Variants in DNAH12 observed in about 807,000 individuals in gnomAD.
DNAH12 encodes the protein dynein axonemal heavy chain 12.
Under a neutral mutation model 371.5 loss-of-function variants are expected in DNAH12, and 285 were observed. The ratio of observed to expected loss-of-function variants is 0.77; its 90% CI spans 0.70 to 0.85. DNAH12 has a LOEUF of 0.85. DNAH12 is among the 40% of genes least tolerant of loss of function. The probability of loss-of-function intolerance (pLI) is 0.00; values close to 1 mark genes in which losing one functional copy is unlikely to be tolerated. For synonymous variants in DNAH12, 1,200 were observed against 1,213.0 expected, an observed-to-expected ratio of 0.99 and a Z score of 0.22; for missense variants, 3,611 against 3,689.4, an observed-to-expected ratio of 0.98 and a Z score of 0.55.
At chr3:57,438,974 C>T (rs1229111167) in intron 29 of DNAH12, among the ~76,000 whole-genome samples, 3 of 138,466 alleles carry the variant, frequency 2.2e-5, no homozygotes, top group Admixed American at 7.5e-5. Context: ...CACACACATA[C>T]ACACACACAG....
chr3:57,394,338 A>T lies in DNAH12; in HGVS notation c.6949-6T>A, dbSNP rs2063693948. ...CCCACATTCCTTAACAGACCCTTAA[A>T]ATAAAAATGGACTTGTAAGCAGAAT... is the stretch of plus-strand genomic sequence containing the variant. On this transcript the variant is annotated splice_region_variant and splice_polypyrimidine_tract_variant and intron_variant, in intron 43 of 73. Transcript: ENST00000495027. 6.6e-6 allele frequency: 1 copy of T among 152,254 alleles called. No homozygotes were observed. The highest frequency in any genetic ancestry group is 2.1e-4 in the South Asian group (1 of 4,820). The allele number at this position is 152,254 out of a possible 1,614,324, so 9.4% of individuals were successfully genotyped here. A position where few individuals can be genotyped will look rare whatever the true frequency, so the allele number is the denominator to read the frequency against.
intron 49 of DNAH12, among the ~76,000 whole-genome samples, chr3:57,383,599 T>G (rs2153344036): frequency 7.2e-6 from 1 of 139,750 alleles, no homozygotes; most frequent in South Asian, 2.2e-4. Context: ...TGCCAGAAAT[T>G]AGCCAGGCAT....
At chr3:57,300,748 A>T (rs1389974167) in intron 70 of DNAH12, among the ~76,000 whole-genome samples, 1 of 152,216 alleles carries the variant, frequency 6.6e-6, no homozygotes, top group East Asian at 1.9e-4. Context: ...GCTTTTGTGC[A>T]ATAAAAAGGC....
intron 65 of DNAH12, among the ~76,000 whole-genome samples, chr3:57,322,052 T>A (rs1199203749): frequency 6.6e-6 from 1 of 152,172 alleles, no homozygotes; most frequent in East Asian, 1.9e-4. Flanking sequence ...GGAAAATAGA[T>A]TTCTACTCTC....
intron 2 of DNAH12, among the ~76,000 whole-genome samples, chr3:57,529,082 G>A (rs1024977298): frequency 6.6e-6 from 1 of 152,158 alleles, no homozygotes; most frequent in African/African-American, 2.4e-5. Flanking sequence ...TTACAGGCGT[G>A]AGCCATCGCG....
chr3:57,445,488 T>A (rs1250865881), intron 27 of DNAH12, 69 bp from the exon 28 acceptor site: 2 of 1,300,958 alleles, frequency 1.5e-6, no homozygotes, highest in African/African-American at 3.0e-5. Flanking sequence ...AGCATAAGTA[T>A]TCAAAGGTGT....
intron 62 of DNAH12, among the ~76,000 whole-genome samples, chr3:57,328,602 T>C (rs937079698): frequency 6.6e-6 from 1 of 151,398 alleles, no homozygotes; most frequent in Non-Finnish European, 1.5e-5. Context: ...ACAGCCAATA[T>C]CATACTGAAT....
chr3:57,496,354 A>G (rs2067321634), intron 11 of DNAH12, among the ~76,000 whole-genome samples: 1 of 152,216 alleles, frequency 6.6e-6, no homozygotes, highest in Admixed American at 6.5e-5. Flanking sequence ...CAGGAAAACA[A>G]CATTGGGTTA....
chr3:57,330,145 G>T (rs1378788779), intron 62 of DNAH12, among the ~76,000 whole-genome samples: 1 of 151,798 alleles, frequency 6.6e-6, no homozygotes, highest in African/African-American at 2.4e-5. Flanking sequence ...CATTGTGGAA[G>T]TCAGTATGGT....
intron 11 of DNAH12, among the ~76,000 whole-genome samples, chr3:57,497,592 A>G (rs2067365483): frequency 6.6e-6 from 1 of 152,222 alleles, no homozygotes; most frequent in African/African-American, 2.4e-5. Context: ...GTTAACTTAC[A>G]ATGGGTCATA....
At chr3:57,305,006 C>G (rs2107664339) in intron 69 of DNAH12, among the ~76,000 whole-genome samples, 1 of 152,256 alleles carries the variant, frequency 6.6e-6, no homozygotes, top group East Asian at 1.9e-4. Context: ...TCAACTCACA[C>G]CTGACCTAAA....
chr3:57,522,994 C>T (rs149393656), intron 4 of DNAH12, among the ~76,000 whole-genome samples: 85 of 152,052 alleles, frequency 5.6e-4, no homozygotes, highest in African/African-American at 1.9e-3. Context: ...TTTATAACTG[C>T]CACTTTGAGT....
At chr3:57,506,407 C>A (rs1225666408) in intron 8 of DNAH12, among the ~76,000 whole-genome samples, 3 of 152,082 alleles carry the variant, frequency 2.0e-5, no homozygotes, top group African/African-American at 4.8e-5. Flanking sequence ...TTATCTTTTT[C>A]TTTTATTTGT....
In DNAH12 at chr3:57,384,450, A is replaced by G. The variant is rs1327184331; in HGVS notation, c.7860+379T>C. On this transcript the variant is annotated intron_variant, in intron 49 of 73. Transcript: ENST00000495027. Reference sequence around the variant, plus strand: ...CCAGGAATTTGAGACCAACCTGGGCAACATAGGGTGACCCTGTCTCTATAA... The same window carrying G: ...CCAGGAATTTGAGACCAACCTGGGCGACATAGGGTGACCCTGTCTCTATAA... 3.3e-5 allele frequency among the ~76,000 whole-genome samples: 5 copies of G among 152,274 alleles called. No homozygotes were observed. The East Asian group carries it at 9.7e-4, about 29-fold the overall frequency.
upstream of DNAH12, among the ~76,000 whole-genome samples, chr3:57,549,211 T>C (rs1409930186): frequency 6.8e-6 from 1 of 146,144 alleles, no homozygotes; most frequent in Non-Finnish European, 1.5e-5. Flanking sequence ...ATAAAAAATA[T>C]TTTTAATTAA....
In DNAH12 at chr3:57,363,974, G is replaced by A. The variant is rs992826258; in HGVS notation, c.9168-188C>T. 3.9e-5 allele frequency among the ~76,000 whole-genome samples: 6 copies of A among 152,178 alleles called. No individual in the cohort carries two copies. The East Asian group carries it at 5.8e-4, about 15-fold the overall frequency. On this transcript the variant is annotated intron_variant, in intron 57 of 73. Transcript: ENST00000495027. ...CAAGAAAAGCATTAATTGTATACACGTAAAATGTGGCAATAACATGTGCCA... is the reference window on the plus strand; with the variant it reads ...CAAGAAAAGCATTAATTGTATACACATAAAATGTGGCAATAACATGTGCCA...
At chr3:57,459,103 A>G (rs1181720144) in intron 20 of DNAH12, among the ~76,000 whole-genome samples, 2 of 152,212 alleles carry the variant, frequency 1.3e-5, no homozygotes. Context: ...TGAAAAATAT[A>G]TAGTCTGTCT....
chr3:57,492,240 C>A (rs922589999), intron 11 of DNAH12, among the ~76,000 whole-genome samples: 7 of 152,026 alleles, frequency 4.6e-5, no homozygotes, highest in African/African-American at 1.7e-4. Context: ...GCGGGCAGAG[C>A]ACCTGAGGTC....
chr3:57,501,493 G>T lies in DNAH12; in HGVS notation c.1244-81C>A, dbSNP rs561017217. The T allele has an allele frequency of 4.1e-5, 38 of 917,328 alleles. No homozygotes were observed. In the African/African-American group the frequency reaches 6.5e-4, roughly 16 times the overall value. The allele number at this position is 917,328 out of a possible 1,614,324, so 56.8% of individuals were successfully genotyped here. A position where few individuals can be genotyped will look rare whatever the true frequency, so the allele number is the denominator to read the frequency against. Reference sequence around the variant, plus strand: ...CACTTTTTTTATATGATCATGGAATGGGGACCTACTCAATTAAATATTATT... The same window carrying T: ...CACTTTTTTTATATGATCATGGAATTGGGACCTACTCAATTAAATATTATT... On this transcript the variant is annotated intron_variant, in intron 10 of 73. Coordinates refer to ENST00000495027, the MANE Select transcript of DNAH12 (RefSeq NM_001366028.2).
Sources: gnomAD v4.1 joint callset for allele counts (sites outside exome capture counted in the v4.1 genomes callset) on GRCh38, gnomAD v4.1.1 for gene constraint, MANE v1.5 for transcripts, NCBI Gene and HGNC (gene_info 2026-07-23, HGNC 2026-07-21) for gene names.